The following FTO variants were observed in gnomAD, a reference collection of about 807,000 sequenced individuals.
The protein encoded by FTO is FTO alpha-ketoglutarate dependent dioxygenase.
A neutral mutation model predicts 63.9 loss-of-function variants in FTO; 47 were observed. That is an observed-to-expected ratio of 0.74 (90% CI 0.58 to 0.94). The LOEUF is 0.94. Among genes scored for constraint, FTO ranks in the 40% least tolerant of loss-of-function variants. FTO has a pLI of 0.00. For missense variants in FTO, 562 were observed against 618.1 expected (o/e 0.91, Z 0.96); for synonymous variants, 207 against 224.4 (o/e 0.92, Z 0.69).
chr16:54,077,577 C>T (rs532325073), intron 8 of FTO, among the ~76,000 whole-genome samples: 1 of 152,138 alleles, frequency 6.6e-6, no homozygotes, highest in Non-Finnish European at 1.5e-5. Flanking sequence ...CACCTTAAGA[C>T]ACGGGCAGCG....
chr16:53,912,454 G>T (rs1390711265), intron 7 of FTO, among the ~76,000 whole-genome samples: 1 of 152,168 alleles, frequency 6.6e-6, no homozygotes, highest in Non-Finnish European at 1.5e-5. Flanking sequence ...CACCAAAGGG[G>T]TTTGTTTATG....
intron 1 of FTO, among the ~76,000 whole-genome samples, chr16:53,797,569 C>T (rs111380401): frequency 0.027 from 4,133 of 151,918 alleles, 185 homozygotes; most frequent in African/African-American, 0.094. Flanking sequence ...CAATATACTG[C>T]GATTTCTTTA....
intron 8 of FTO, among the ~76,000 whole-genome samples, chr16:54,002,271 C>T (rs35334141): frequency 0.25 from 37,550 of 152,028 alleles, 4,892 homozygotes; most frequent in East Asian, 0.36. Context: ...CCTCCGACCT[C>T]GGCCTCCTGA....
At chr16:53,879,745 G>T in intron 5 of FTO, 99 bp from the exon 6 acceptor site, 55 of 1,132,402 alleles carry the variant, frequency 4.9e-5, no homozygotes, top group Non-Finnish European at 6.3e-5. Context: ...GGCAACAGGT[G>T]AATTCACAGC....
rs561353197 is a variant in FTO, at chr16:54,050,629, G to A, written c.1365-61133G>A. Among the ~76,000 whole-genome samples the A allele has an allele frequency of 3.3e-5, 5 of 152,122 alleles. No homozygotes were observed. The East Asian group carries it at 9.7e-4, about 29-fold the overall frequency. On this transcript the variant is annotated intron_variant, in intron 8 of 8. Coordinates refer to ENST00000471389, the MANE Select transcript of FTO (RefSeq NM_001080432.3). ...CCCCAACCACCTTTCTTGTCCTAAA[G>A]CAAGGGTTTACGTTTCCTCCCTGCA...
At chr16:53,780,548 C>T (rs2077562192) in intron 1 of FTO, among the ~76,000 whole-genome samples, 1 of 152,092 alleles carries the variant, frequency 6.6e-6, no homozygotes, top group Admixed American at 6.6e-5. Context: ...GATTTTCCCA[C>T]CTGTAGAGAC....
chr16:53,876,406 A>G (rs900642304), intron 5 of FTO, among the ~76,000 whole-genome samples: 5 of 152,330 alleles, frequency 3.3e-5, no homozygotes, highest in South Asian at 4.1e-4. Flanking sequence ...CATCAAAAGC[A>G]TAAACAACTG....
intron 8 of FTO, among the ~76,000 whole-genome samples, chr16:53,948,860 A>G (rs2082707734): frequency 6.6e-6 from 1 of 152,172 alleles, no homozygotes; most frequent in South Asian, 2.1e-4. Context: ...AGAAGGAATG[A>G]CCCTGGCTGG....
At chr16:54,007,900 C>A (rs752989776) in intron 8 of FTO, among the ~76,000 whole-genome samples, 1 of 152,220 alleles carries the variant, frequency 6.6e-6, no homozygotes, top group Non-Finnish European at 1.5e-5. Flanking sequence ...AGTGAATGAC[C>A]TCTTTGGACT....
intron 4 of FTO, among the ~76,000 whole-genome samples, chr16:53,871,062 CTT>C (rs1412278756): frequency 6.6e-6 from 1 of 152,120 alleles, no homozygotes; most frequent in East Asian, 1.9e-4. Context: ...TTTAATGTCT[CTT>C]TTTCTGACTG....
At chr16:53,929,457 G>A (rs1020509522) in intron 7 of FTO, among the ~76,000 whole-genome samples, 1 of 152,168 alleles carries the variant, frequency 6.6e-6, no homozygotes, top group Non-Finnish European at 1.5e-5. Flanking sequence ...GGAACATTTA[G>A]ATTGTTTCCA....
chr16:53,799,489 G>A (rs778478726), intron 1 of FTO, among the ~76,000 whole-genome samples: 1 of 152,094 alleles, frequency 6.6e-6, no homozygotes, highest in Non-Finnish European at 1.5e-5. Context: ...TGGGTCAGGA[G>A]TAAATGTTTG....
intron 1 of FTO, among the ~76,000 whole-genome samples, chr16:53,743,489 A>G (rs2076575065): frequency 6.6e-6 from 1 of 151,018 alleles, no homozygotes; most frequent in Non-Finnish European, 1.5e-5. Flanking sequence ...TAACAGATCT[A>G]GTCCCTGGAG....
At chr16:53,878,667 C>G (rs1453602658) in intron 5 of FTO, among the ~76,000 whole-genome samples, 1 of 152,164 alleles carries the variant, frequency 6.6e-6, no homozygotes, top group East Asian at 1.9e-4. Flanking sequence ...GTATTTATAG[C>G]TGACTTTTTA....
At chr16:53,862,997 GT>G (rs1022681215) in intron 4 of FTO, among the ~76,000 whole-genome samples, 81 of 152,186 alleles carry the variant, frequency 5.3e-4, no homozygotes, top group African/African-American at 1.9e-3. Context: ...CAGTAATTTG[GT>G]TTTTCTGCAG....
intron 8 of FTO, among the ~76,000 whole-genome samples, chr16:53,940,422 C>T (rs1012370146): frequency 6.6e-6 from 1 of 152,168 alleles, no homozygotes; most frequent in African/African-American, 2.4e-5. Flanking sequence ...TGCAGCAGTG[C>T]ACGTTTCCCC....
intron 1 of FTO, among the ~76,000 whole-genome samples, chr16:53,748,687 G>A (rs193000193): frequency 1.3e-4 from 20 of 151,784 alleles, no homozygotes; most frequent in African/African-American, 3.9e-4. Context: ...AACTCCTGAC[G>A]TCAGGTGATC....
At chr16:53,856,417 C>T (rs1320196471) in intron 4 of FTO, among the ~76,000 whole-genome samples, 2 of 151,356 alleles carry the variant, frequency 1.3e-5, no homozygotes, top group African/African-American at 2.4e-5. Context: ...CACAGCCATC[C>T]GTGAAGGTGA....
At chr16:54,055,384 C>T (rs566414284) in intron 8 of FTO, among the ~76,000 whole-genome samples, 21 of 152,310 alleles carry the variant, frequency 1.4e-4, no homozygotes, top group African/African-American at 5.1e-4. Flanking sequence ...AAAAGCAGTA[C>T]AAGACCTTGA....
Sources: gnomAD v4.1 joint callset for allele counts (sites outside exome capture counted in the v4.1 genomes callset) on GRCh38, gnomAD v4.1.1 for gene constraint, MANE v1.5 for transcripts, NCBI Gene and HGNC (gene_info 2026-07-23, HGNC 2026-07-21) for gene names.